PHEX: variants seen among roughly 807,000 people sequenced by gnomAD.
PHEX encodes phosphate regulating endopeptidase X-linked, also known as phosphate-regulating neutral endopeptidase PHEX.
PHEX carries 16 observed loss-of-function variants against 68.0 expected under a neutral mutation model. The observed-to-expected ratio is 0.24, with a 90% CI of 0.16 to 0.36. PHEX has a LOEUF of 0.36. PHEX is among the 10% of genes least tolerant of loss of function. The pLI is 1.00. For missense variants in PHEX, 480 were observed against 575.5 expected, an observed-to-expected ratio of 0.83 and a Z score of 1.70; for synonymous variants, 208 against 205.1, an observed-to-expected ratio of 1.01 and a Z score of -0.12.
chrX:22,096,006 T>C (rs754265868), intron 7 of PHEX, among the ~76,000 whole-genome samples: 2 of 111,363 alleles, frequency 1.8e-5, no homozygotes, highest in African/African-American at 6.5e-5. Flanking sequence ...TGGAGTGTAA[T>C]TGGAAAGGCT....
At chrX:22,209,670 C>T (rs1176310488) in intron 15 of PHEX, among the ~76,000 whole-genome samples, 2 of 107,312 alleles carry the variant, frequency 1.9e-5, no homozygotes, top group African/African-American at 3.4e-5. Flanking sequence ...TCTCTCCTTC[C>T]TCTCCCTCCC....
chrX:22,044,616 G>A (rs2146985505), intron 2 of PHEX, among the ~76,000 whole-genome samples: 1 of 109,717 alleles, frequency 9.1e-6, no homozygotes, highest in African/African-American at 3.3e-5. Flanking sequence ...GGGAGGCAGA[G>A]GCAGCAGAAT....
In PHEX at chrX:22,248,258, G is replaced by A. The variant is rs189715720; in HGVS notation, c.*305G>A. 20 of 309,000 alleles carry A rather than the reference G, an allele frequency of 6.5e-5. No individual in the cohort carries two copies. In the East Asian group the frequency reaches 7.2e-4, roughly 11 times the overall value. The allele number at this position is 309,000 out of a possible 1,213,427, so 25.5% of individuals were successfully genotyped here. On this transcript the variant is annotated 3_prime_UTR_variant, in exon 22 of 22. Coordinates refer to ENST00000379374, the MANE Select transcript of PHEX (RefSeq NM_000444.6). ...TTGCTATTGTCCATTTTAGGGTGTTGGCCACAGTTATGTGGTACATAGCAT... is the reference window on the plus strand; with the variant it reads ...TTGCTATTGTCCATTTTAGGGTGTTAGCCACAGTTATGTGGTACATAGCAT...
intron 3 of PHEX, among the ~76,000 whole-genome samples, chrX:22,070,994 G>T (rs1214153139): frequency 8.9e-6 from 1 of 111,887 alleles, no homozygotes; most frequent in Non-Finnish European, 1.9e-5. Context: ...GGCCTGAGCT[G>T]CAGATGGCTG....
chrX:22,247,314 C>T (rs1936419444), intron 21 of PHEX, among the ~76,000 whole-genome samples: 2 of 111,997 alleles, frequency 1.8e-5, no homozygotes, highest in African/African-American at 6.5e-5. Flanking sequence ...TGAAAGAAAT[C>T]AAAGACCAAA....
chrX:22,142,003 C>A (rs1932483170), intron 12 of PHEX, among the ~76,000 whole-genome samples: 1 of 112,141 alleles, frequency 8.9e-6, no homozygotes, highest in Admixed American at 9.5e-5. Context: ...GTAATCCCAG[C>A]ACTTTGGGAG....
At chrX:22,211,015 G>A (rs1313414870) in intron 15 of PHEX, among the ~76,000 whole-genome samples, 1 of 111,311 alleles carries the variant, frequency 9.0e-6, no homozygotes, top group Admixed American at 9.6e-5. Context: ...GTCTCATGGG[G>A]CCTGGAACAG....
intron 3 of PHEX, among the ~76,000 whole-genome samples, chrX:22,073,044 T>A (rs767657626): frequency 8.9e-6 from 1 of 112,061 alleles, no homozygotes; most frequent in Non-Finnish European, 1.9e-5. Context: ...AGCATGGGGC[T>A]TTGCAAGGTG....
At chrX:22,210,722 A>G (rs1324668524) in intron 15 of PHEX, among the ~76,000 whole-genome samples, 2 of 111,676 alleles carry the variant, frequency 1.8e-5, no homozygotes, top group African/African-American at 6.5e-5. Flanking sequence ...CTTCAAAATA[A>G]TATTAGATGC....
Position 22,168,469 on chromosome X carries a change from G to C in PHEX, c.1482+80G>C, listed in dbSNP as rs2147118961. The C allele has an allele frequency of 4.6e-6, 3 of 645,890 alleles. No homozygotes were observed. In the East Asian group the frequency reaches 9.9e-5, roughly 21 times the overall value. The allele number at this position is 645,890 out of a possible 1,213,427, so 53.2% of individuals were successfully genotyped here. A position where few individuals can be genotyped will look rare whatever the true frequency, so the allele number is the denominator to read the frequency against. ...TGCCTTTCAACTAACCCAAGTCCTA[G>C]CAATTAAAACTGGTGATGCCAGAAA... On this transcript the variant is annotated intron_variant, in intron 13 of 21. Coordinates refer to ENST00000379374, the MANE Select transcript of PHEX (RefSeq NM_000444.6).
intron 20 of PHEX, among the ~76,000 whole-genome samples, chrX:22,230,208 A>C (rs1335633669): frequency 3.7e-5 from 1 of 27,311 alleles, no homozygotes; most frequent in African/African-American, 1.4e-4. Flanking sequence ...TTTGCTTAGG[A>C]TTGTTTTGGC....
At chrX:22,247,777 C>T in intron 21 of PHEX, 74 bp from the exon 22 acceptor site, 1 of 732,750 alleles carries the variant, frequency 1.4e-6, no homozygotes, top group Non-Finnish European at 2.2e-6. Flanking sequence ...TAGCAATATT[C>T]TGCTACAGTT....
chrX:22,104,440 G>C (rs1227250715), intron 9 of PHEX, among the ~76,000 whole-genome samples: 1 of 110,463 alleles, frequency 9.1e-6, no homozygotes, highest in Non-Finnish European at 1.9e-5. Context: ...GCTGGTGTTT[G>C]AGGTGGAAAG....
intron 9 of PHEX, among the ~76,000 whole-genome samples, chrX:22,103,411 G>A (rs1344752142): frequency 9.0e-6 from 1 of 110,990 alleles, no homozygotes; most frequent in African/African-American, 3.3e-5. Context: ...CATCACCTGA[G>A]CAGTGTACAT....
intron 12 of PHEX, among the ~76,000 whole-genome samples, chrX:22,157,755 G>C (rs1932994624): frequency 1.8e-5 from 2 of 112,148 alleles, no homozygotes; most frequent in Non-Finnish European, 3.8e-5. Flanking sequence ...CTATCTTAGA[G>C]AGTAATGAGG....
intron 15 of PHEX, among the ~76,000 whole-genome samples, chrX:22,204,300 C>T (rs768640268): frequency 1.8e-5 from 2 of 111,795 alleles, no homozygotes; most frequent in Non-Finnish European, 3.8e-5. Context: ...CCCAGATAAT[C>T]GTACAAACCA....
intron 11 of PHEX, among the ~76,000 whole-genome samples, chrX:22,125,602 T>C (rs1022900056): frequency 1.8e-5 from 2 of 111,604 alleles, no homozygotes; most frequent in Non-Finnish European, 3.8e-5. Context: ...TATCTTAGAA[T>C]GGACTAGGCT....
At chrX:22,109,000 ATTATCTAGT>A (rs1230616688) in intron 9 of PHEX, among the ~76,000 whole-genome samples, 1 of 110,842 alleles carries the variant, frequency 9.0e-6, no homozygotes, top group African/African-American at 3.3e-5. Flanking sequence ...TATGAATTTT[ATTATCTAGT>A]TTATCTAGTT....
intron 3 of PHEX, among the ~76,000 whole-genome samples, chrX:22,073,585 CAGA>C (rs994471642): frequency 1.2e-4 from 13 of 105,479 alleles, no homozygotes; most frequent in Non-Finnish European, 2.5e-4. Flanking sequence ...ATTTGATGAT[CAGA>C]AGAACTTCTC....
Sources: allele counts gnomAD v4.1 joint callset (sites outside exome capture counted in the v4.1 genomes callset), GRCh38; gene constraint gnomAD v4.1.1; transcripts MANE v1.5; gene names NCBI Gene and HGNC (gene_info 2026-07-23, HGNC 2026-07-21).